The following IMMP1L variants were observed in gnomAD, a reference collection of about 807,000 sequenced individuals.
IMMP1L encodes the protein mitochondrial inner membrane protease subunit 1.
A neutral mutation model predicts 21.8 loss-of-function variants in IMMP1L; 24 were observed. The ratio of observed to expected loss-of-function variants is 1.10; its 90% CI spans 0.80 to 1.55. IMMP1L has a LOEUF of 1.55. IMMP1L is among the 40% of genes most tolerant of loss of function. IMMP1L has a pLI of 0.00. For missense variants in IMMP1L, 195 were observed against 200.7 expected, an observed-to-expected ratio of 0.97 and a Z score of 0.17; for synonymous variants, 46 against 62.8, an observed-to-expected ratio of 0.73 and a Z score of 1.26.
intron 1 of IMMP1L, chr11:31,477,483 AT>A: frequency 1.1e-6 from 1 of 916,234 alleles, no homozygotes; most frequent in Non-Finnish European, 1.3e-6. Context: ...TAAAGAGCAT[AT>A]TCTTTGCCTT....
At chr11:31,434,213 T>C (rs1656457566) in intron 4 of IMMP1L, among the ~76,000 whole-genome samples, 1 of 152,142 alleles carries the variant, frequency 6.6e-6, no homozygotes, top group African/African-American at 2.4e-5. Context: ...AAATTAATGA[T>C]GGTGACCTTC....
Position 31,460,705 on chromosome 11 carries a change from G to T in IMMP1L, c.115C>A (p.Pro39Thr), listed in dbSNP as rs1954109437. The T allele has an allele frequency of 1.9e-6, 3 of 1,596,218 alleles. No individual in the cohort carries two copies. The highest frequency in any genetic ancestry group is 2.7e-5 in the African/African-American group (2 of 74,402). The stretch of plus-strand genomic sequence containing the variant: ...TTTTGAATTGTAGGCTCCATTGATG[G>T]TCCAGAACACTGAAAAGAGAGGTAA... The part of the protein sequence containing the change: ...YVGGVVMCSG[P>T]SMEPTIQNSD... Residue 39 changes from proline (P) to threonine (T), a missense_variant, in exon 3 of 6, where the codon CCA (proline) becomes ACA (threonine). By Grantham distance (38) the Pro-to-Thr change is conservative. Transcript: ENST00000532287.
intron 1 of IMMP1L, among the ~76,000 whole-genome samples, chr11:31,481,827 T>TA (rs1323473218): frequency 4.0e-5 from 6 of 150,734 alleles, no homozygotes; most frequent in Non-Finnish European, 5.9e-5. Flanking sequence ...TCCCTCAATT[T>TA]AAAAAAAAAG....
intron 1 of IMMP1L, among the ~76,000 whole-genome samples, chr11:31,480,121 C>T (rs1954846774): frequency 1.3e-5 from 2 of 151,952 alleles, no homozygotes; most frequent in Admixed American, 1.3e-4. Flanking sequence ...CCTCATTGAG[C>T]TCAAAAGATA....
chr11:31,499,622 G>A (rs1955554505), intron 1 of IMMP1L, among the ~76,000 whole-genome samples: 2 of 152,002 alleles, frequency 1.3e-5, no homozygotes, highest in Admixed American at 1.3e-4. Context: ...TTTTTTAAAG[G>A]GCTGAAAGAC....
chr11:31,509,292 A>T (rs566663835), intron 1 of IMMP1L, among the ~76,000 whole-genome samples: 1 of 152,204 alleles, frequency 6.6e-6, no homozygotes, highest in Non-Finnish European at 1.5e-5. Flanking sequence ...TCCTTTCCAT[A>T]TAACACAAAA....
At chr11:31,473,492 C>T (rs936749718) in intron 1 of IMMP1L, among the ~76,000 whole-genome samples, 17 of 152,068 alleles carry the variant, frequency 1.1e-4, no homozygotes, top group Non-Finnish European at 1.5e-4. Flanking sequence ...CACCATATTG[C>T]CTCTCAATTT....
At chr11:31,486,057 C>CTT (rs941684097) in intron 1 of IMMP1L, among the ~76,000 whole-genome samples, 1 of 144,018 alleles carries the variant, frequency 6.9e-6, no homozygotes, top group Non-Finnish European at 1.5e-5. Flanking sequence ...TTTTTTTTCC[C>CTT]TTTTTTTTTT....
At chr11:31,508,739 T>C (rs1214324315) in intron 1 of IMMP1L, among the ~76,000 whole-genome samples, 1 of 152,208 alleles carries the variant, frequency 6.6e-6, no homozygotes, top group African/African-American at 2.4e-5. Context: ...TTGGGAGTCC[T>C]TTTCAATTTA....
intron 1 of IMMP1L, chr11:31,477,520 G>A: frequency 1.0e-6 from 1 of 983,704 alleles, no homozygotes; most frequent in Non-Finnish European, 1.2e-6. Flanking sequence ...TGTTGTTGTT[G>A]TTTATAAAAT....
At chr11:31,447,104 G>A (rs945277609) in intron 4 of IMMP1L, among the ~76,000 whole-genome samples, 1 of 152,126 alleles carries the variant, frequency 6.6e-6, no homozygotes, top group Non-Finnish European at 1.5e-5. Context: ...CTACCCTAAC[G>A]TGTACTGGCC....
At chr11:31,469,185 G>A (rs1954461282) in intron 1 of IMMP1L, among the ~76,000 whole-genome samples, 1 of 151,786 alleles carries the variant, frequency 6.6e-6, no homozygotes, top group Admixed American at 6.6e-5. Context: ...AAGATTATAA[G>A]CATGCTATAA....
intron 4 of IMMP1L, chr11:31,452,440 C>A (rs1400285130): frequency 4.1e-6 from 4 of 985,358 alleles, no homozygotes; most frequent in Non-Finnish European, 1.2e-6. Context: ...TGCATTTTGC[C>A]TGCTGTGCAA....
intron 1 of IMMP1L, among the ~76,000 whole-genome samples, chr11:31,489,248 C>A (rs943739946): frequency 6.6e-6 from 1 of 151,978 alleles, no homozygotes; most frequent in Non-Finnish European, 1.5e-5. Flanking sequence ...TGTGAGTTTG[C>A]GTGTGACTTT....
At chr11:31,495,395 G>A (rs1015724708) in intron 1 of IMMP1L, among the ~76,000 whole-genome samples, 3 of 152,050 alleles carry the variant, frequency 2.0e-5, no homozygotes, top group Admixed American at 1.3e-4. Context: ...CCTTATAGCA[G>A]TGCCCCTCTC....
chr11:31,435,183 T>G (rs745312888), intron 4 of IMMP1L, among the ~76,000 whole-genome samples: 1 of 152,168 alleles, frequency 6.6e-6, no homozygotes. Context: ...TTATGCAAAC[T>G]AATAAGGCAA....
chr11:31,487,120 CTAATA>C (rs1230499708), intron 1 of IMMP1L, among the ~76,000 whole-genome samples: 3 of 151,618 alleles, frequency 2.0e-5, no homozygotes, highest in Admixed American at 6.6e-5. Context: ...TAAAATAATA[CTAATA>C]TATTTTTATA....
chr11:31,453,487 G>A (rs1953830405), intron 4 of IMMP1L, among the ~76,000 whole-genome samples: 2 of 152,168 alleles, frequency 1.3e-5, no homozygotes, highest in Admixed American at 1.3e-4. Flanking sequence ...GGATGCAGAG[G>A]TAAGGGGAAG....
intron 1 of IMMP1L, among the ~76,000 whole-genome samples, chr11:31,476,912 T>C (rs774556079): frequency 2.6e-5 from 4 of 152,066 alleles, no homozygotes; most frequent in Non-Finnish European, 5.9e-5. Context: ...ATTAACTAAC[T>C]CACTGATTTT....
Sources: allele counts gnomAD v4.1 joint callset (sites outside exome capture counted in the v4.1 genomes callset), GRCh38; gene constraint gnomAD v4.1.1; transcripts MANE v1.5; gene names NCBI Gene and HGNC (gene_info 2026-07-23, HGNC 2026-07-21).